Variants in RYR2 observed in about 807,000 individuals in gnomAD.
RYR2 encodes ryanodine receptor 2.
RYR2 carries 227 observed loss-of-function variants against 601.1 expected under a neutral mutation model. The observed-to-expected ratio is 0.38, with a 90% confidence interval of 0.34 to 0.42. The LOEUF (loss-of-function observed/expected upper bound fraction) is 0.42, where lower values mean the gene tolerates loss of function less well. RYR2 is among the 10% of genes least tolerant of loss of function. The pLI is 1.00. For synonymous variants in RYR2, 2,223 were observed against 2,175.1 expected, an observed-to-expected ratio of 1.02 and a Z score of -0.61; for missense variants, 4,646 against 6,156.5, an observed-to-expected ratio of 0.75 and a Z score of 8.21.
chr1:237,213,115 G>GT (rs201340888), intron 1 of RYR2, among the ~76,000 whole-genome samples: 77 of 150,102 alleles, frequency 5.1e-4, no homozygotes, highest in Admixed American at 3.0e-3. Flanking sequence ...CATTCCAGTA[G>GT]TTTTTTTAAA....
chr1:237,111,242 C>T lies in RYR2; in HGVS notation c.48+68673C>T, dbSNP rs576593902. 9.8e-4 allele frequency among the ~76,000 whole-genome samples: 150 copies of T among 152,322 alleles called. 1 individual carries two copies. The highest frequency in any genetic ancestry group is 1.7e-3 in the Admixed American group (26 of 15,300). ...GTACCATTGCCTCTTCCAACAGTTA[C>T]ATTTTGCTCTTCTTTCCCTCAAGAG... On this transcript the variant is annotated intron_variant, in intron 1 of 104. Transcript: ENST00000366574.
At chr1:237,233,822 G>A (rs1214724077) in intron 1 of RYR2, among the ~76,000 whole-genome samples, 4 of 151,920 alleles carry the variant, frequency 2.6e-5, no homozygotes, top group South Asian at 2.1e-4. Flanking sequence ...ACCCAGCTGC[G>A]ATGACAGGGG....
intron 96 of RYR2, among the ~76,000 whole-genome samples, chr1:237,795,847 T>TATATAC (rs1558433658): frequency 8.9e-6 from 1 of 112,190 alleles, no homozygotes; most frequent in Admixed American, 8.2e-5. Flanking sequence ...TATATATATA[T>TATATAC]ATGTATATGT....
At chr1:237,270,693 C>T in intron 2 of RYR2, 77 bp downstream of exon 2, 2 of 1,453,704 alleles carry the variant, frequency 1.4e-6, no homozygotes, top group Non-Finnish European at 1.9e-6. Flanking sequence ...GAGCTCTCTA[C>T]TATTTTCTGT....
intron 1 of RYR2, among the ~76,000 whole-genome samples, chr1:237,140,051 G>T (rs1279451100): frequency 3.9e-5 from 6 of 152,192 alleles, no homozygotes; most frequent in Non-Finnish European, 7.3e-5. Context: ...GTATGTTTCT[G>T]TAAGAAGAGT....
In RYR2 at chr1:237,255,509, C is replaced by T. The variant is rs1417734422; in HGVS notation, c.49-14988C>T. ...GTTTAGGGGATTTATAACATAGGAA[C>T]AAAAAAATTTCCTTTGCCTCCTGGT... On this transcript the variant is annotated intron_variant, in intron 1 of 104. Coordinates refer to ENST00000366574, the MANE Select transcript of RYR2 (RefSeq NM_001035.3). Among the ~76,000 whole-genome samples the T allele has an allele frequency of 2.6e-5, 4 of 152,020 alleles. No individual in the cohort carries two copies. The South Asian group carries it at 6.2e-4, about 24-fold the overall frequency.
intron 10 of RYR2, among the ~76,000 whole-genome samples, chr1:237,406,180 C>CTCCCCTCCCT (rs1558764737): frequency 3.0e-5 from 2 of 65,742 alleles, no homozygotes; most frequent in Non-Finnish European, 5.7e-5. Context: ...CTTCCCTCCC[C>CTCCCCTCCCT]TCCCCTCCCC....
chr1:237,516,123 G>T (rs1666521545), intron 24 of RYR2, among the ~76,000 whole-genome samples: 1 of 150,200 alleles, frequency 6.7e-6, no homozygotes, highest in Non-Finnish European at 1.5e-5. Flanking sequence ...TTATTTATTT[G>T]TTTGTTTGAA....
chr1:237,128,284 G>A (rs1347815861), intron 1 of RYR2, among the ~76,000 whole-genome samples: 1 of 152,218 alleles, frequency 6.6e-6, no homozygotes, highest in Non-Finnish European at 1.5e-5. Flanking sequence ...TGAGTCAGGA[G>A]AATCAGGCAG....
intron 1 of RYR2, among the ~76,000 whole-genome samples, chr1:237,173,179 T>TTG (rs1677614243): frequency 6.6e-6 from 1 of 152,130 alleles, no homozygotes; most frequent in African/African-American, 2.4e-5. Context: ...TACTCTTTTT[T>TTG]TTTTTTTATC....
intron 1 of RYR2, among the ~76,000 whole-genome samples, chr1:237,158,387 A>T (rs181558393): frequency 6.6e-6 from 1 of 152,324 alleles, no homozygotes; most frequent in East Asian, 1.9e-4. Flanking sequence ...GAAGAAAGAG[A>T]TTAGAGTTCA....
intron 1 of RYR2, among the ~76,000 whole-genome samples, chr1:237,176,459 T>C (rs898743272): frequency 3.3e-5 from 5 of 151,586 alleles, no homozygotes; most frequent in Non-Finnish European, 4.4e-5. Flanking sequence ...CTTATGAAAA[T>C]CACAAAAATG....
At chr1:237,405,147 G>A (rs1572172912) in intron 10 of RYR2, among the ~76,000 whole-genome samples, 1 of 152,210 alleles carries the variant, frequency 6.6e-6, no homozygotes, top group African/African-American at 2.4e-5. Context: ...CACAGGAATA[G>A]ACTACCAAAA....
chr1:237,441,453 A>G lies in RYR2; in HGVS notation c.1140A>G (p.Lys380=), dbSNP rs1476386556. Residue 380 remains lysine (K), a synonymous_variant, in exon 13 of 105, where the codon AAA becomes AAG. Coordinates refer to ENST00000366574, the MANE Select transcript of RYR2 (RefSeq NM_001035.3). ...TTACTTACCAGTCTGTGGACGTGAAATCCGTGAGAATGGGATCTATACAAC... is the reference window on the plus strand; with the variant it reads ...TTACTTACCAGTCTGTGGACGTGAAGTCCGTGAGAATGGGATCTATACAAC... ...LWLTYQSVDV[K]SVRMGSIQRK... is the part of the protein sequence containing the mutation. 1 of 1,598,584 alleles carries G rather than the reference A, an allele frequency of 6.3e-7. No individual in the cohort carries two copies. The highest frequency in any genetic ancestry group is 8.5e-7 in the Non-Finnish European group (1 of 1,171,134).
At chr1:237,288,787 C>A (rs1691864161) in intron 2 of RYR2, among the ~76,000 whole-genome samples, 1 of 152,108 alleles carries the variant, frequency 6.6e-6, no homozygotes, top group East Asian at 1.9e-4. Flanking sequence ...CCTATGGAGT[C>A]TGGACACTAG....
At chr1:237,045,880 T>G (rs1162202064) in intron 1 of RYR2, among the ~76,000 whole-genome samples, 1 of 147,230 alleles carries the variant, frequency 6.8e-6, no homozygotes, top group East Asian at 2.0e-4. Flanking sequence ...TTTTTTTTTT[T>G]TTTTTTTTTT....
intron 1 of RYR2, among the ~76,000 whole-genome samples, chr1:237,043,942 T>C (rs932647918): frequency 1.3e-5 from 2 of 152,230 alleles, no homozygotes; most frequent in Non-Finnish European, 2.9e-5. Flanking sequence ...TCTCTTTCTC[T>C]TTTGTGCATT....
At chr1:237,592,484 T>C (rs1675314624) in intron 32 of RYR2, among the ~76,000 whole-genome samples, 1 of 151,562 alleles carries the variant, frequency 6.6e-6, no homozygotes, top group South Asian at 2.1e-4. Context: ...AATATAAACA[T>C]TAGTGGAGTG....
intron 98 of RYR2, among the ~76,000 whole-genome samples, chr1:237,803,793 T>C (rs1660290785): frequency 6.6e-6 from 1 of 152,226 alleles, no homozygotes. Flanking sequence ...CTCCCTCCAA[T>C]GCATGTATTT....
Sources: allele counts gnomAD v4.1 joint callset (sites outside exome capture counted in the v4.1 genomes callset), GRCh38; gene constraint gnomAD v4.1.1; transcripts MANE v1.5; gene names NCBI Gene and HGNC (gene_info 2026-07-23, HGNC 2026-07-21).